ACYP2: variants seen among roughly 807,000 people sequenced by gnomAD.
The protein encoded by ACYP2 is acylphosphatase 2, also known as acylphosphatase-2.
ACYP2 carries 12 observed loss-of-function variants against 11.2 expected under a neutral mutation model. The observed-to-expected ratio is 1.08, with a 90% confidence interval of 0.69 to 1.74. The LOEUF is 1.74. ACYP2 is among the 40% of genes most tolerant of loss of function. ACYP2 has a pLI of 0.00. For synonymous variants in ACYP2, 43 were observed against 32.2 expected, an observed-to-expected ratio of 1.33 and a Z score of -1.13; for missense variants, 134 against 101.9, an observed-to-expected ratio of 1.31 and a Z score of -1.35.
chr2:54,210,136 T>A (rs1402284674), intron 6 of ACYP2, among the ~76,000 whole-genome samples: 1 of 107,298 alleles, frequency 9.3e-6, no homozygotes, highest in African/African-American at 4.3e-5. Flanking sequence ...AATGAGACTG[T>A]GTCTCAAAAA....
intron 1 of ACYP2, chr2:53,973,604 G>T (rs1226036519): frequency 1.0e-5 from 2 of 196,168 alleles, no homozygotes; most frequent in Non-Finnish European, 2.0e-5. Context: ...AATGTACTTT[G>T]TGAGATCCAC....
At chr2:54,065,675 T>G in intron 4 of ACYP2, 2 of 395,364 alleles carry the variant, frequency 5.1e-6, no homozygotes, top group Admixed American at 4.4e-5. Flanking sequence ...TGGGCTTTGC[T>G]CCTTACACAT....
intron 4 of ACYP2, among the ~76,000 whole-genome samples, chr2:54,077,781 G>C (rs1056604225): frequency 9.8e-5 from 15 of 152,302 alleles, no homozygotes; most frequent in African/African-American, 3.6e-4. Context: ...AAGGTGTTAT[G>C]TAAATTAGTA....
intron 4 of ACYP2, among the ~76,000 whole-genome samples, chr2:54,130,346 A>G (rs558034280): frequency 2.0e-5 from 3 of 152,322 alleles, no homozygotes; most frequent in African/African-American, 4.8e-5. Context: ...CAAAGGAGGC[A>G]TATCTGGCTG....
chr2:54,280,903 G>T (rs1688820483), intron 6 of ACYP2, among the ~76,000 whole-genome samples: 1 of 152,166 alleles, frequency 6.6e-6, no homozygotes, highest in African/African-American at 2.4e-5. Flanking sequence ...TCATTGATTT[G>T]TGAATTCTTT....
intron 6 of ACYP2, among the ~76,000 whole-genome samples, chr2:54,251,996 A>G (rs1195022052): frequency 6.6e-6 from 1 of 152,180 alleles, no homozygotes; most frequent in African/African-American, 2.4e-5. Context: ...CACTCTGACT[A>G]TTGAGTTGTA....
intron 6 of ACYP2, among the ~76,000 whole-genome samples, chr2:54,303,419 C>T (rs1025080114): frequency 2.0e-5 from 3 of 152,046 alleles, no homozygotes; most frequent in Non-Finnish European, 2.9e-5. Context: ...TTATTTGTGG[C>T]GTCAGTTTTC....
intron 6 of ACYP2, among the ~76,000 whole-genome samples, chr2:54,156,257 A>AAT (rs975002045): frequency 1.1e-4 from 17 of 152,178 alleles, no homozygotes; most frequent in South Asian, 1.0e-3. Context: ...TTTAGCATGA[A>AAT]ATATATATAT....
At chr2:54,297,970 T>A (rs542193302) in intron 6 of ACYP2, among the ~76,000 whole-genome samples, 1 of 152,188 alleles carries the variant, frequency 6.6e-6, no homozygotes, top group African/African-American at 2.4e-5. Flanking sequence ...TAAACTCTAA[T>A]AGAATGTATG....
intron 6 of ACYP2, among the ~76,000 whole-genome samples, chr2:54,201,427 G>A (rs1282554548): frequency 1.3e-5 from 2 of 151,690 alleles, no homozygotes; most frequent in East Asian, 1.9e-4. Flanking sequence ...TTTAATTGTC[G>A]AATAGTAAGA....
chr2:53,981,562 C>T (rs1480450010), intron 2 of ACYP2, among the ~76,000 whole-genome samples: 7 of 152,116 alleles, frequency 4.6e-5, no homozygotes, highest in Admixed American at 2.6e-4. Context: ...GGAAAGAAAC[C>T]AGTCAGAGAT....
At position 54,174,729 on chromosome 2, in the gene ACYP2, C is replaced by G. The variant is rs528553864; in HGVS notation, c.404+35981C>G. 2.0e-5 allele frequency among the ~76,000 whole-genome samples: 3 copies of G among 152,276 alleles called. No homozygotes were observed. The East Asian group carries it at 5.8e-4, about 29-fold the overall frequency. On this transcript the variant is annotated intron_variant, in intron 6 of 6. Coordinates refer to ENST00000607452, the MANE Select transcript of ACYP2 (RefSeq NM_001320586.2). ...TACCTAGTTTATTGAGAGTTTTTAG[C>G]ATGAAGGGCTGTTGAATTTTGTCAA...
At chr2:53,998,440 C>G (rs966999622) in intron 2 of ACYP2, among the ~76,000 whole-genome samples, 1 of 152,246 alleles carries the variant, frequency 6.6e-6, no homozygotes, top group East Asian at 1.9e-4. Flanking sequence ...GATTAATAAA[C>G]GAATTGGTTG....
intron 6 of ACYP2, among the ~76,000 whole-genome samples, chr2:54,217,639 C>T (rs1053456767): frequency 6.6e-6 from 1 of 152,130 alleles, no homozygotes; most frequent in African/African-American, 2.4e-5. Context: ...TCCCAAAGTA[C>T]TGAGATTACA....
At chr2:54,101,124 T>C (rs1237634622) in intron 4 of ACYP2, among the ~76,000 whole-genome samples, 1 of 152,208 alleles carries the variant, frequency 6.6e-6, no homozygotes, top group African/African-American at 2.4e-5. Flanking sequence ...AATCCATCAA[T>C]AGCCCTGTGA....
At chr2:54,046,736 C>T (rs759345416) in intron 2 of ACYP2, among the ~76,000 whole-genome samples, 51 of 152,126 alleles carry the variant, frequency 3.4e-4, no homozygotes, top group Non-Finnish European at 1.6e-4. Context: ...AGGGCTTGCA[C>T]CCGTTGGTTC....
At chr2:54,193,952 G>A (rs1684343874) in intron 6 of ACYP2, among the ~76,000 whole-genome samples, 1 of 152,166 alleles carries the variant, frequency 6.6e-6, no homozygotes, top group Non-Finnish European at 1.5e-5. Context: ...TTTTATTTGT[G>A]CTGTGCTTAA....
At chr2:54,010,321 T>A in intron 2 of ACYP2, among the ~76,000 whole-genome samples, 1 of 152,046 alleles carries the variant, frequency 6.6e-6, no homozygotes, top group East Asian at 1.9e-4. Context: ...CTGTCTCTAC[T>A]AAAAATACAA....
chr2:54,048,401 G>A (rs1439459180), intron 2 of ACYP2, among the ~76,000 whole-genome samples: 2 of 152,138 alleles, frequency 1.3e-5, no homozygotes, highest in Admixed American at 1.3e-4. Context: ...ATTCCAGCCT[G>A]AGTGATGGAG....
Sources: gnomAD v4.1 joint callset for allele counts (sites outside exome capture counted in the v4.1 genomes callset) on GRCh38, gnomAD v4.1.1 for gene constraint, MANE v1.5 for transcripts, NCBI Gene and HGNC (gene_info 2026-07-23, HGNC 2026-07-21) for gene names.